Variants in IL1RAPL1 observed in about 807,000 individuals in gnomAD.
The protein encoded by IL1RAPL1 is interleukin-1 receptor accessory protein-like 1.
A neutral mutation model predicts 48.4 loss-of-function variants in IL1RAPL1; 3 were observed. The ratio of observed to expected loss-of-function variants is 0.06; its 90% CI spans 0.03 to 0.16. The LOEUF is 0.16. Among genes scored for constraint, IL1RAPL1 ranks in the 10% least tolerant of loss-of-function variants. The pLI is 1.00. For missense variants in IL1RAPL1, 349 were observed against 530.6 expected (o/e 0.66, Z 3.36); for synonymous variants, 185 against 187.7 (o/e 0.99, Z 0.12).
intron 5 of IL1RAPL1, among the ~76,000 whole-genome samples, chrX:29,472,370 C>T (rs1344490686): frequency 9.0e-6 from 1 of 111,363 alleles, no homozygotes; most frequent in African/African-American, 3.3e-5. Context: ...TCCTTGGGCA[C>T]CTTTTCTTTT....
At chrX:29,703,016 C>CAGT (rs1440666071) in intron 6 of IL1RAPL1, among the ~76,000 whole-genome samples, 1 of 111,971 alleles carries the variant, frequency 8.9e-6, no homozygotes, top group Non-Finnish European at 1.9e-5. Flanking sequence ...AAGAGAAAAT[C>CAGT]ATCTTAGCAT....
At chrX:29,893,307 T>G (rs1393948330) in intron 6 of IL1RAPL1, among the ~76,000 whole-genome samples, 2 of 111,677 alleles carry the variant, frequency 1.8e-5, no homozygotes, top group East Asian at 5.6e-4. Flanking sequence ...GGCTTCTATT[T>G]TGACATAGAT....
Position 28,894,311 on chromosome X carries a change from T to C in IL1RAPL1, c.82+104886T>C, listed in dbSNP as rs758423193. Among the ~76,000 whole-genome samples, 3 of 111,963 alleles carry C rather than the reference T, an allele frequency of 2.7e-5. No individual in the cohort carries two copies. The South Asian group carries it at 1.1e-3, about 42-fold the overall frequency. Reference sequence around the variant, plus strand: ...CCTCAATGATAGATGTGGAAGGTACTGTGGCACAGCCTGCCTTTGCTGGTG... The same window carrying C: ...CCTCAATGATAGATGTGGAAGGTACCGTGGCACAGCCTGCCTTTGCTGGTG... On this transcript the variant is annotated intron_variant, in intron 2 of 10. Coordinates refer to ENST00000378993, the MANE Select transcript of IL1RAPL1 (RefSeq NM_014271.4).
At chrX:29,649,355 TAGG>T (rs1267036971) in intron 5 of IL1RAPL1, among the ~76,000 whole-genome samples, 1 of 111,259 alleles carries the variant, frequency 9.0e-6, no homozygotes, top group Non-Finnish European at 1.9e-5. Context: ...CTCAACAAAA[TAGG>T]AGAAAACCAA....
chrX:28,626,496 A>T lies in IL1RAPL1; in HGVS notation c.-25+38449A>T, dbSNP rs534806175. Among the ~76,000 whole-genome samples the T allele has an allele frequency of 1.3e-4, 14 of 111,855 alleles. No individual in the cohort carries two copies. The South Asian group carries it at 4.5e-3, about 36-fold the overall frequency. On this transcript the variant is annotated intron_variant, in intron 1 of 10. Coordinates refer to ENST00000378993, the MANE Select transcript of IL1RAPL1 (RefSeq NM_014271.4). ...TGTGTTTCTTATATAATTATTACAT[A>T]TAAGGTTGCTAACTCTTAGGAGTGA... is the stretch of plus-strand genomic sequence containing the variant.
intron 5 of IL1RAPL1, among the ~76,000 whole-genome samples, chrX:29,621,195 G>A (rs1924451149): frequency 1.8e-5 from 2 of 111,459 alleles, no homozygotes. Flanking sequence ...TAGAGAAGAG[G>A]TTCCAAAGTA....
chrX:28,725,080 C>G (rs1935651388), intron 1 of IL1RAPL1, among the ~76,000 whole-genome samples: 1 of 92,986 alleles, frequency 1.1e-5, no homozygotes, highest in Admixed American at 1.2e-4. Flanking sequence ...GCCTCCTGAG[C>G]ATCTGGGACT....
chrX:29,066,222 A>G (rs1156641483), intron 2 of IL1RAPL1, among the ~76,000 whole-genome samples: 2 of 112,110 alleles, frequency 1.8e-5, no homozygotes, highest in African/African-American at 6.5e-5. Context: ...ATTCTGTTAC[A>G]TAACTGGACT....
chrX:28,665,151 C>T (rs1028018836), intron 1 of IL1RAPL1, among the ~76,000 whole-genome samples: 4 of 111,071 alleles, frequency 3.6e-5, no homozygotes, highest in Non-Finnish European at 7.5e-5. Flanking sequence ...TGCAGTCTTG[C>T]GGCTGGACAT....
At chrX:29,886,056 G>C (rs974626233) in intron 6 of IL1RAPL1, among the ~76,000 whole-genome samples, 1 of 111,842 alleles carries the variant, frequency 8.9e-6, no homozygotes, top group African/African-American at 3.2e-5. Flanking sequence ...AGAAGTAATA[G>C]TTCCAGTCAT....
chrX:28,633,123 A>T (rs1284369249), intron 1 of IL1RAPL1, among the ~76,000 whole-genome samples: 1 of 111,279 alleles, frequency 9.0e-6, no homozygotes, highest in Non-Finnish European at 1.9e-5. Context: ...TCCTGGCCTC[A>T]GGTGTCGTGC....
At position 29,607,486 on chromosome X, in the gene IL1RAPL1, G is replaced by A. The variant is rs149112833; in HGVS notation, c.704-60944G>A. Reference sequence around the variant, plus strand: ...TATGAATAGATTAATGACATCACATGTGCCTTCTTTGAAGAAATTAATTAT... The same window carrying A: ...TATGAATAGATTAATGACATCACATATGCCTTCTTTGAAGAAATTAATTAT... On this transcript the variant is annotated intron_variant, in intron 5 of 10. Transcript: ENST00000378993. 9.5e-3 allele frequency among the ~76,000 whole-genome samples: 1,065 copies of A among 111,879 alleles called. 16 individuals are homozygous for A. Among genetic ancestry groups the A allele is most frequent in the African/African-American group, 0.033 (1,006 of 30,840 alleles).
chrX:29,676,596 G>T (rs1926291623), intron 6 of IL1RAPL1, among the ~76,000 whole-genome samples: 1 of 111,340 alleles, frequency 9.0e-6, no homozygotes, highest in South Asian at 3.8e-4. Flanking sequence ...TATAACAGAA[G>T]AAAACTATCT....
intron 2 of IL1RAPL1, among the ~76,000 whole-genome samples, chrX:29,145,181 CT>C (rs1929327197): frequency 9.0e-6 from 1 of 111,622 alleles, no homozygotes; most frequent in Admixed American, 9.5e-5. Flanking sequence ...TGTTCATATC[CT>C]TTGGGGGTAT....
chrX:29,298,683 C>T (rs1238612121), intron 3 of IL1RAPL1, among the ~76,000 whole-genome samples: 2 of 111,820 alleles, frequency 1.8e-5, no homozygotes, highest in Non-Finnish European at 3.8e-5. Context: ...GAGATCTTCT[C>T]CTGCCTGTGT....
intron 6 of IL1RAPL1, among the ~76,000 whole-genome samples, chrX:29,689,050 A>G (rs1317453589): frequency 9.0e-6 from 1 of 111,506 alleles, no homozygotes; most frequent in Non-Finnish European, 1.9e-5. Context: ...TACAGTATTC[A>G]GTTGTTCTCG....
chrX:29,582,053 T>C (rs1374789461), intron 5 of IL1RAPL1, among the ~76,000 whole-genome samples: 2 of 111,913 alleles, frequency 1.8e-5, no homozygotes, highest in Non-Finnish European at 3.8e-5. Context: ...CAAGAACCCA[T>C]GATATGATTA....
At chrX:28,723,164 T>A (rs576588180) in intron 1 of IL1RAPL1, among the ~76,000 whole-genome samples, 118 of 111,378 alleles carry the variant, frequency 1.1e-3, no homozygotes, top group African/African-American at 3.6e-3. Context: ...TTTCAGAAGG[T>A]ATGGTTCCAT....
intron 5 of IL1RAPL1, among the ~76,000 whole-genome samples, chrX:29,562,009 T>A (rs769897705): frequency 9.1e-6 from 1 of 110,331 alleles, no homozygotes; most frequent in South Asian, 3.8e-4. Flanking sequence ...TCTTTTTATT[T>A]TTATATTTTC....
Sources: allele counts gnomAD v4.1 joint callset (sites outside exome capture counted in the v4.1 genomes callset), GRCh38; gene constraint gnomAD v4.1.1; transcripts MANE v1.5; gene names NCBI Gene and HGNC (gene_info 2026-07-23, HGNC 2026-07-21).